PCDHAC1: variants seen among roughly 807,000 people sequenced by gnomAD.
The protein encoded by PCDHAC1 is protocadherin alpha-C1.
In PCDHAC1, 42 loss-of-function variants were observed where a neutral mutation model predicts 60.0. The ratio of observed to expected loss-of-function variants is 0.70; its 90% CI spans 0.55 to 0.90. The LOEUF (loss-of-function observed/expected upper bound fraction) is 0.90. Among genes scored for constraint, PCDHAC1 ranks in the 40% least tolerant of loss-of-function variants. The pLI, the probability that PCDHAC1 is intolerant of heterozygous loss-of-function variation, is 0.00. For missense variants in PCDHAC1, 1,160 were observed against 1,222.3 expected, an observed-to-expected ratio of 0.95 and a Z score of 0.76; for synonymous variants, 468 against 499.3, an observed-to-expected ratio of 0.94 and a Z score of 0.84.
In PCDHAC1 at chr5:141,011,003, C is replaced by T. The variant is rs748731648; in HGVS notation, c.*1066C>T. ...ATTGCCTGAAACATCTGTATTATAT[C>T]GGCCACCTGCCAATCACAGCTTTAC... On this transcript the variant is annotated 3_prime_UTR_variant, in exon 4 of 4. Coordinates refer to ENST00000253807, the MANE Select transcript of PCDHAC1 (RefSeq NM_018898.5). 1 of 153,706 alleles carries T rather than the reference C, an allele frequency of 6.5e-6. No individual in the cohort carries two copies. The highest frequency in any genetic ancestry group is 2.1e-4 in the South Asian group (1 of 4,816). 9.5% of individuals were successfully genotyped at this position (153,706 alleles called of 1,614,324 possible).
chr5:140,997,864 C>A (rs2097788719), intron 3 of PCDHAC1, among the ~76,000 whole-genome samples: 1 of 152,100 alleles, frequency 6.6e-6, no homozygotes, highest in South Asian at 2.1e-4. Context: ...ATTTCTTATG[C>A]ATGCTTGCTA....
chr5:140,930,092 A>G (rs1554207604), intron 1 of PCDHAC1: 1 of 152,204 alleles, frequency 6.6e-6, no homozygotes, highest in East Asian at 1.9e-4. Context: ...ACATCTATTT[A>G]TACTGATAGG....
At chr5:140,966,838 G>A in intron 1 of PCDHAC1, 1 of 1,566,774 alleles carries the variant, frequency 6.4e-7, no homozygotes, top group South Asian at 1.2e-5. Context: ...CCTGGCTGCT[G>A]CTACTGCCTC....
In PCDHAC1 at chr5:140,929,343, A is replaced by G. The variant is rs1204297753; in HGVS notation, c.2433+18A>G. 2.0e-6 allele frequency: 3 copies of G among 1,531,032 alleles called. No individual in the cohort carries two copies. The highest frequency in any genetic ancestry group is 2.6e-6 in the Non-Finnish European group (3 of 1,137,492). The allele number at this position is 1,531,032 out of a possible 1,614,324, so 94.8% of individuals were successfully genotyped here. A position where few individuals can be genotyped will look rare whatever the true frequency, so the allele number is the denominator to read the frequency against. ...ATGCCATGGTAAGCAAATTTTATGG[A>G]ATTTGATTCCTTTGGCCCGGAGATG... On this transcript the variant is annotated intron_variant, in intron 1 of 3. Coordinates refer to ENST00000253807, the MANE Select transcript of PCDHAC1 (RefSeq NM_018898.5).
In PCDHAC1 at chr5:140,952,330, C is replaced by A. The variant is rs564242872; in HGVS notation, c.2433+23005C>A. On this transcript the variant is annotated intron_variant, in intron 1 of 3. Transcript: ENST00000253807. ...TCCAGCCTGGGCAACAAGAGTGAAACTCCATCTCAAAAAAAAAAAAAAAAG... is the reference window on the plus strand; with the variant it reads ...TCCAGCCTGGGCAACAAGAGTGAAAATCCATCTCAAAAAAAAAAAAAAAAG... Among the ~76,000 whole-genome samples the A allele has an allele frequency of 2.2e-4, 26 of 120,342 alleles. No individual in the cohort carries two copies. The South Asian group carries it at 3.3e-3, about 15-fold the overall frequency. The allele number at this position is 120,342 out of a possible 152,430, so 78.9% of individuals were successfully genotyped here. A position where few individuals can be genotyped will look rare whatever the true frequency, so the allele number is the denominator to read the frequency against.
At chr5:140,955,716 A>G (rs2095221843) in intron 1 of PCDHAC1, among the ~76,000 whole-genome samples, 1 of 152,220 alleles carries the variant, frequency 6.6e-6, no homozygotes, top group African/African-American at 2.4e-5. Flanking sequence ...TAATAGGAAT[A>G]CCATTGAATC....
chr5:140,935,921 C>G (rs1480748257), intron 1 of PCDHAC1, among the ~76,000 whole-genome samples: 2 of 129,532 alleles, frequency 1.5e-5, no homozygotes, highest in African/African-American at 5.8e-5. Context: ...GAGACAGATT[C>G]TCATTCTGTT....
At chr5:140,968,621 T>C (rs782017664) in intron 1 of PCDHAC1, 11 of 1,614,190 alleles carry the variant, frequency 6.8e-6, no homozygotes, top group Non-Finnish European at 8.5e-6. Context: ...GCAAAATGCT[T>C]GGCTTTTTTA....
chr5:140,966,546 C>T, intron 1 of PCDHAC1: 1 of 466,228 alleles, frequency 2.1e-6, no homozygotes, highest in Non-Finnish European at 3.7e-6. Context: ...GACTCGGAGG[C>T]GAGCGGAGGA....
chr5:140,974,221 T>A (rs75147433), intron 1 of PCDHAC1, among the ~76,000 whole-genome samples: 1,739 of 152,246 alleles, frequency 0.011, 25 homozygotes, highest in Non-Finnish European at 0.017. Context: ...TAAAGAGAAA[T>A]CTTAGTTCCT....
chr5:140,955,796 A>G (rs1432865248), intron 1 of PCDHAC1, among the ~76,000 whole-genome samples: 3 of 152,004 alleles, frequency 2.0e-5, no homozygotes, highest in Non-Finnish European at 4.4e-5. Context: ...ATGTTTTTCT[A>G]TTTGTTTGTG....
At chr5:140,952,962 C>T (rs246032) in intron 1 of PCDHAC1, among the ~76,000 whole-genome samples, 1 of 151,598 alleles carries the variant, frequency 6.6e-6, no homozygotes, top group Non-Finnish European at 1.5e-5. Context: ...GGAAGTGATA[C>T]ACACTTTTAA....
intron 1 of PCDHAC1, chr5:140,966,731 G>A: frequency 7.1e-7 from 1 of 1,405,136 alleles, no homozygotes; most frequent in Non-Finnish European, 9.2e-7. Context: ...TGCCGCCTCC[G>A]GCCCTGCCCG....
In PCDHAC1 at chr5:140,926,917, TTA is replaced by T; in HGVS notation, c.27_28del (p.Cys10PhefsTer109). The T allele has an allele frequency of 1.9e-6, 3 of 1,565,668 alleles. No homozygotes were observed. The highest frequency in any genetic ancestry group is 1.2e-5 in the South Asian group (1 of 83,304). ...GATGGTGGGCTGTGGGGTGGCAGTT[TTA>T]TGTTTGTGGGTTTCCTGCGGCGCTG... MVGCGVAV[L>X]CLWVSCGAAA... On this transcript the variant is annotated frameshift_variant, in exon 1 of 4. Transcript: ENST00000253807. LOFTEE classifies it high-confidence loss of function.
chr5:140,995,265 G>A (rs1293855932), intron 3 of PCDHAC1, among the ~76,000 whole-genome samples: 1 of 152,102 alleles, frequency 6.6e-6, no homozygotes, highest in African/African-American at 2.4e-5. Context: ...TTGAATACAA[G>A]CCCTTTGATA....
At chr5:140,965,318 C>T (rs1397101710) in intron 1 of PCDHAC1, among the ~76,000 whole-genome samples, 1 of 152,104 alleles carries the variant, frequency 6.6e-6, no homozygotes, top group Non-Finnish European at 1.5e-5. Flanking sequence ...TTCTCTTTTA[C>T]TGAAGTGAAT....
At chr5:140,938,870 A>C (rs560302282) in intron 1 of PCDHAC1, among the ~76,000 whole-genome samples, 1 of 152,264 alleles carries the variant, frequency 6.6e-6, no homozygotes, top group South Asian at 2.1e-4. Flanking sequence ...TTAAAAGTTA[A>C]GAAGCAACAC....
chr5:140,940,736 A>G (rs1554213579), intron 1 of PCDHAC1, among the ~76,000 whole-genome samples: 1 of 152,200 alleles, frequency 6.6e-6, no homozygotes, highest in Non-Finnish European at 1.5e-5. Flanking sequence ...GGACAGCTCC[A>G]TATTTTTATG....
intron 1 of PCDHAC1, among the ~76,000 whole-genome samples, chr5:140,971,158 C>T (rs1554233066): frequency 6.6e-6 from 1 of 152,172 alleles, no homozygotes; most frequent in African/African-American, 2.4e-5. Context: ...AGGCCAGGCT[C>T]AGCTTTGCCA....
Sources: gnomAD v4.1 joint callset for allele counts (sites outside exome capture counted in the v4.1 genomes callset) on GRCh38, gnomAD v4.1.1 for gene constraint, MANE v1.5 for transcripts, NCBI Gene and HGNC (gene_info 2026-07-23, HGNC 2026-07-21) for gene names.